MGAT4C: variants seen among roughly 807,000 people sequenced by gnomAD.
MGAT4C encodes alpha-1,3-mannosyl-glycoprotein 4-beta-N-acetylglucosaminyltransferase C.
In MGAT4C, 19 loss-of-function variants were observed where a neutral mutation model predicts 40.1. The ratio of observed to expected loss-of-function variants is 0.47; its 90% CI spans 0.33 to 0.70. MGAT4C has a LOEUF of 0.70. Among genes scored for constraint, MGAT4C ranks in the 30% least tolerant of loss-of-function variants. The pLI, the probability that MGAT4C is intolerant of heterozygous loss-of-function variation, is 0.02. For synonymous variants in MGAT4C, 181 were observed against 187.1 expected (o/e 0.97, Z 0.27); for missense variants, 491 against 563.2 (o/e 0.87, Z 1.30).
chr12:86,642,969 A>G (rs536233851), intron 2 of MGAT4C, among the ~76,000 whole-genome samples: 1 of 151,928 alleles, frequency 6.6e-6, no homozygotes, highest in Admixed American at 6.6e-5. Flanking sequence ...ACAGTCTTCA[A>G]AAAATTAAAC....
chr12:86,369,840 T>C (rs1293689740), intron 3 of MGAT4C, among the ~76,000 whole-genome samples: 1 of 152,030 alleles, frequency 6.6e-6, no homozygotes, highest in African/African-American at 2.4e-5. Context: ...AATTTATATG[T>C]ATAGCATTTT....
chr12:86,164,482 G>A (rs114281085), intron 1 of MGAT4C, among the ~76,000 whole-genome samples: 6 of 152,256 alleles, frequency 3.9e-5, no homozygotes, highest in African/African-American at 7.2e-5. Context: ...GCAATAACAC[G>A]TACATAAGAT....
At chr12:86,711,080 T>A (rs1256233250) in intron 2 of MGAT4C, among the ~76,000 whole-genome samples, 1 of 151,820 alleles carries the variant, frequency 6.6e-6, no homozygotes, top group Non-Finnish European at 1.5e-5. Flanking sequence ...ACATATAGAG[T>A]ACAGTGTACA....
At chr12:86,104,260 T>TA (rs34925997) in intron 1 of MGAT4C, among the ~76,000 whole-genome samples, 3,829 of 142,020 alleles carry the variant, frequency 0.027, 66 homozygotes, top group Non-Finnish European at 0.038. Context: ...CGTCTCTACT[T>TA]AAAAAAAAAA....
chr12:86,591,003 C>A (rs1382627099), intron 2 of MGAT4C, among the ~76,000 whole-genome samples: 1 of 151,850 alleles, frequency 6.6e-6, no homozygotes, highest in African/African-American at 2.4e-5. Flanking sequence ...ATATCTATTT[C>A]TTGGGAGTAT....
chr12:86,574,659 C>T (rs1464786412), intron 2 of MGAT4C, among the ~76,000 whole-genome samples: 1 of 151,682 alleles, frequency 6.6e-6, no homozygotes, highest in African/African-American at 2.4e-5. Flanking sequence ...ATGCAATTAG[C>T]AATGTATGCT....
At chr12:86,722,265 G>T (rs976181001) in intron 2 of MGAT4C, among the ~76,000 whole-genome samples, 5 of 152,120 alleles carry the variant, frequency 3.3e-5, no homozygotes, top group Non-Finnish European at 7.4e-5. Flanking sequence ...CTACAGGCCA[G>T]AGAAGACTCT....
chr12:86,700,082 GTAGA>G (rs1565934003), intron 2 of MGAT4C, among the ~76,000 whole-genome samples: 3 of 34,012 alleles, frequency 8.8e-5, no homozygotes, highest in Admixed American at 2.9e-4. Context: ...GATAGATAAT[GTAGA>G]TAGATGATAG....
At chr12:86,606,034 C>A (rs1461318030) in intron 2 of MGAT4C, among the ~76,000 whole-genome samples, 1 of 152,062 alleles carries the variant, frequency 6.6e-6, no homozygotes, top group Non-Finnish European at 1.5e-5. Flanking sequence ...ACCTTCTTTA[C>A]AAGGCTGCAG....
intron 2 of MGAT4C, among the ~76,000 whole-genome samples, chr12:86,465,016 G>A (rs1217901196): frequency 2.6e-5 from 4 of 152,052 alleles, no homozygotes; most frequent in African/African-American, 9.7e-5. Context: ...TAAGGAATCC[G>A]AGGCTCAGAT....
intron 2 of MGAT4C, among the ~76,000 whole-genome samples, chr12:86,019,866 T>C (rs1004981729): frequency 1.3e-5 from 2 of 152,148 alleles, no homozygotes; most frequent in Non-Finnish European, 2.9e-5. Flanking sequence ...TTTTATTTCA[T>C]TGAGCAGTGG....
At chr12:86,357,596 A>G (rs554739010) in intron 3 of MGAT4C, among the ~76,000 whole-genome samples, 1 of 150,298 alleles carries the variant, frequency 6.7e-6, no homozygotes, top group African/African-American at 2.4e-5. Flanking sequence ...GATTAGATGA[A>G]TGGCTAACTA....
intron 1 of MGAT4C, among the ~76,000 whole-genome samples, chr12:86,837,814 C>T (rs1953068107): frequency 1.3e-5 from 2 of 152,164 alleles, no homozygotes; most frequent in South Asian, 4.1e-4. Context: ...TACACACACA[C>T]ACCTTTAACT....
chr12:86,695,755 G>A (rs773221664), intron 2 of MGAT4C, among the ~76,000 whole-genome samples: 15 of 152,042 alleles, frequency 9.9e-5, no homozygotes, highest in Non-Finnish European at 2.2e-4. Context: ...AGAGTAGAAT[G>A]ATGGTTACCA....
intron 1 of MGAT4C, among the ~76,000 whole-genome samples, chr12:86,105,741 T>A (rs1876042639): frequency 6.6e-6 from 1 of 152,222 alleles, no homozygotes. Context: ...TTTTTATAGA[T>A]TATTTGCCAT....
At chr12:86,072,544 T>C (rs1317637153) in intron 1 of MGAT4C, among the ~76,000 whole-genome samples, 2 of 152,080 alleles carry the variant, frequency 1.3e-5, no homozygotes, top group South Asian at 2.1e-4. Flanking sequence ...GTCAAACAGA[T>C]GCATTTTTTC....
At chr12:86,214,401 A>C (rs1180507755) in intron 1 of MGAT4C, among the ~76,000 whole-genome samples, 6 of 152,290 alleles carry the variant, frequency 3.9e-5, no homozygotes, top group African/African-American at 1.2e-4. Flanking sequence ...ATAGACTATA[A>C]ATACCTCTTG....
intron 1 of MGAT4C, among the ~76,000 whole-genome samples, chr12:86,232,143 A>G (rs1265685419): frequency 6.9e-6 from 1 of 144,990 alleles, no homozygotes; most frequent in Non-Finnish European, 1.5e-5. Flanking sequence ...CCAAAAAAGA[A>G]AAAAAAAAGG....
At chr12:86,216,245 G>A (rs1338508422) in intron 1 of MGAT4C, among the ~76,000 whole-genome samples, 1 of 152,128 alleles carries the variant, frequency 6.6e-6, no homozygotes, top group Non-Finnish European at 1.5e-5. Flanking sequence ...GTGAGGTGAG[G>A]TGCCTTAGAA....
Sources: allele counts gnomAD v4.1 joint callset (sites outside exome capture counted in the v4.1 genomes callset), GRCh38; gene constraint gnomAD v4.1.1; transcripts MANE v1.5; gene names NCBI Gene and HGNC (gene_info 2026-07-23, HGNC 2026-07-21).